Variants in IGF2R observed in about 807,000 individuals in gnomAD.
IGF2R encodes insulin like growth factor 2 receptor, also known as cation-independent mannose-6-phosphate receptor.
IGF2R carries 91 observed loss-of-function variants against 270.6 expected under a neutral mutation model. That is an observed-to-expected ratio of 0.34 (90% CI 0.28 to 0.40). The LOEUF (loss-of-function observed/expected upper bound fraction) is 0.40. Among genes scored for constraint, IGF2R ranks in the 10% least tolerant of loss-of-function variants. The pLI is 1.00. For synonymous variants in IGF2R, 1,316 were observed against 1,258.9 expected, an observed-to-expected ratio of 1.05 and a Z score of -0.96; for missense variants, 2,805 against 3,188.3, an observed-to-expected ratio of 0.88 and a Z score of 2.90.
At chr6:160,076,342 T>G (rs959301978) in intron 36 of IGF2R, among the ~76,000 whole-genome samples, 1 of 152,208 alleles carries the variant, frequency 6.6e-6, no homozygotes, top group African/African-American at 2.4e-5. Flanking sequence ...CAGAAAGACA[T>G]TTGGGCAGCT....
rs1288931328 is a variant in IGF2R at position 160,096,632 on chromosome 6, A to G, written c.6842+7A>G. On this transcript the variant is annotated splice_region_variant and intron_variant, in intron 45 of 47. Coordinates refer to ENST00000356956, the MANE Select transcript of IGF2R (RefSeq NM_000876.4). Reference sequence around the variant, plus strand: ...CAGCCGTGTGTCCTCTGGGGTGAGTATGACATCCGGAAGCTTAGCACTTGT... The same window carrying G: ...CAGCCGTGTGTCCTCTGGGGTGAGTGTGACATCCGGAAGCTTAGCACTTGT... 6.2e-6 allele frequency: 10 copies of G among 1,603,430 alleles called. No homozygotes were observed. Among genetic ancestry groups the G allele is most frequent in the Admixed American group, 1.7e-5 (1 of 58,928 alleles).
rs73025518 is a variant in IGF2R, at chr6:160,100,506, C to T, written c.6843-2013C>T. The stretch of plus-strand genomic sequence containing the variant: ...TATGTAAAGCAGAAATTGACAAAAC[C>T]ACACACAAGAAACAAGCCTAGTGAT... On this transcript the variant is annotated intron_variant, in intron 45 of 47. Transcript: ENST00000356956. 5.3e-3 allele frequency among the ~76,000 whole-genome samples: 811 copies of T among 151,970 alleles called. 3 individuals are homozygous for T. Among genetic ancestry groups the T allele is most frequent in the Non-Finnish European group, 8.1e-3 (550 of 67,956 alleles).
chr6:159,991,200 G>T lies in IGF2R; in HGVS notation c.166G>T (p.Val56Phe). 1 of 1,611,488 alleles carries T rather than the reference G, an allele frequency of 6.2e-7. No homozygotes were observed. Among genetic ancestry groups the T allele is most frequent in the South Asian group, 1.1e-5 (1 of 90,426 alleles). ...CCTTTCCAGTTATACATGGGAAGCT[G>T]TTGATACCAAAAATAATGTACTTTA... is the stretch of plus-strand genomic sequence containing the variant. ...PELCSYTWEAVDTKNNVLYKI... is the reference protein window; with the variant it reads ...PELCSYTWEAFDTKNNVLYKI... The change falls in exon 2 of 48, where the codon GTT becomes TTT. Residue 56 changes from valine (V) to phenylalanine (F), a missense_variant. Physicochemically the swap from Val to Phe is conservative, Grantham distance 50. Around this residue, in one of 2 missense-constraint regions of IGF2R, gnomAD observed 954 missense variants for 981.1 expected, o/e 0.97. Transcript: ENST00000356956.
intron 1 of IGF2R, among the ~76,000 whole-genome samples, chr6:159,979,775 G>A (rs1269342238): frequency 1.3e-5 from 2 of 152,192 alleles, no homozygotes; most frequent in Non-Finnish European, 2.9e-5. Flanking sequence ...GCCATTGGGA[G>A]AATGGAGGGA....
rs960754202 is a variant in IGF2R, at chr6:160,073,319, C to T, written c.4797C>T (p.Pro1599=). The T allele has an allele frequency of 2.5e-6, 4 of 1,614,142 alleles. No individual in the cohort carries two copies. The highest frequency in any genetic ancestry group is 1.7e-5 in the Admixed American group (1 of 60,018). ...QLVYKDGSPC[P]SKSGLSYKSV... ...TGTACAAGGATGGGTCCCCTTGTCCCTCCAAATCCGGCCTGAGCTATAAGA... is the reference window on the plus strand; with the variant it reads ...TGTACAAGGATGGGTCCCCTTGTCCTTCCAAATCCGGCCTGAGCTATAAGA... Residue 1599 remains proline (P), a synonymous_variant, in exon 34 of 48, where the codon CCC becomes CCT. Transcript: ENST00000356956.
intron 16 of IGF2R, 128 bp downstream of exon 16, chr6:160,047,464 G>C: frequency 1.2e-6 from 1 of 800,322 alleles, no homozygotes; most frequent in Non-Finnish European, 1.9e-6. Flanking sequence ...ATTTGCCAGG[G>C]TGCCTGGGCA....
rs371889669 is a variant in IGF2R, at chr6:160,101,542, G to A, written c.6843-977G>A. ...GCGGCAGCCCTTGCGGCTGGGCCGC[G>A]GGTTGGCCTGTTGCCCTCAACCTCA... On this transcript the variant is annotated intron_variant, in intron 45 of 47. Coordinates refer to ENST00000356956, the MANE Select transcript of IGF2R (RefSeq NM_000876.4). 1.6e-3 allele frequency among the ~76,000 whole-genome samples: 247 copies of A among 152,376 alleles called. 1 individual carries two copies. Among genetic ancestry groups the A allele is most frequent in the Middle Eastern group, 0.01 (3 of 294 alleles).
intron 29 of IGF2R, among the ~76,000 whole-genome samples, chr6:160,066,779 C>G (rs191235317): frequency 9.7e-4 from 148 of 152,296 alleles, no homozygotes; most frequent in Non-Finnish European, 1.9e-3. Context: ...TCTGCCTTGG[C>G]TTTGTTAGTT....
rs1779063403 is a variant in IGF2R at position 160,084,789 on chromosome 6, G to A, written c.6069-206G>A. On this transcript the variant is annotated intron_variant, in intron 40 of 47. Transcript: ENST00000356956. This position sits in a 1 kb window ranked among gnomAD's most constrained non-coding sequence, Gnocchi z 4.6. ...TGGACATTCCACTCCGCGTGTGTCTGGTTGGTGAGCTCCCTTCTTCAGTGA... is the reference window on the plus strand; with the variant it reads ...TGGACATTCCACTCCGCGTGTGTCTAGTTGGTGAGCTCCCTTCTTCAGTGA... 6.6e-6 allele frequency among the ~76,000 whole-genome samples: 1 copy of A among 152,090 alleles called. No individual in the cohort carries two copies. Among genetic ancestry groups the A allele is most frequent in the African/African-American group, 2.4e-5 (1 of 41,518 alleles).
At chr6:160,047,442 C>A in intron 16 of IGF2R, 106 bp downstream of exon 16, 1 of 985,776 alleles carries the variant, frequency 1.0e-6, no homozygotes, top group Non-Finnish European at 1.5e-6. Flanking sequence ...GCCAAATCAT[C>A]ACCGTCATTA....
chr6:159,993,763 A>T (rs942590311), intron 2 of IGF2R, among the ~76,000 whole-genome samples: 49 of 152,178 alleles, frequency 3.2e-4, no homozygotes, highest in African/African-American at 8.7e-4. Context: ...TCTGTGAAAA[A>T]TGACATTGGT....
intron 2 of IGF2R, among the ~76,000 whole-genome samples, chr6:160,001,252 A>G (rs1387184837): frequency 1.3e-5 from 2 of 152,050 alleles, no homozygotes; most frequent in Non-Finnish European, 2.9e-5. Context: ...GTAGATGCTT[A>G]TAGGAGCGCG....
At chr6:160,052,333 A>G (rs1360679928) in intron 19 of IGF2R, among the ~76,000 whole-genome samples, 2 of 152,236 alleles carry the variant, frequency 1.3e-5, no homozygotes, top group African/African-American at 4.8e-5. Context: ...CCCATTCACA[A>G]TTGCTACAGA....
intron 4 of IGF2R, among the ~76,000 whole-genome samples, chr6:160,022,960 G>A (rs968470674): frequency 1.2e-4 from 18 of 152,168 alleles, no homozygotes; most frequent in Admixed American, 2.0e-4. Flanking sequence ...GTGTGGCTGC[G>A]TTGAGTGAGG....
intron 5 of IGF2R, among the ~76,000 whole-genome samples, chr6:160,026,915 G>A (rs1452197619): frequency 6.6e-6 from 1 of 152,114 alleles, no homozygotes; most frequent in Admixed American, 6.5e-5. Flanking sequence ...TGTACCTCAA[G>A]CAGAGGATGG....
intron 10 of IGF2R, among the ~76,000 whole-genome samples, chr6:160,035,669 A>G (rs1409634694): frequency 6.6e-6 from 1 of 152,190 alleles, no homozygotes; most frequent in Non-Finnish European, 1.5e-5. Context: ...ACATTTTTTA[A>G]GTACCTATTT....
Position 159,997,700 on chromosome 6 carries a change from C to T in IGF2R, c.289+6377C>T, listed in dbSNP as rs370586374. On this transcript the variant is annotated intron_variant, in intron 2 of 47. Transcript: ENST00000356956. ...TCGTTTCATCCCAGGGGTTCTCCAC[C>T]AGGCTCCAGTGCTCTCCACTTGATA... 7.8e-4 allele frequency among the ~76,000 whole-genome samples: 119 copies of T among 152,276 alleles called. 2 individuals carry two copies. The South Asian group carries it at 0.023, about 30-fold the overall frequency.
chr6:160,067,025 A>G (rs1778599696), intron 29 of IGF2R, among the ~76,000 whole-genome samples: 1 of 152,188 alleles, frequency 6.6e-6, no homozygotes, highest in Admixed American at 6.5e-5. Flanking sequence ...CTTGAGATAT[A>G]AGTCCCACCA....
In IGF2R at chr6:160,047,901, T is replaced by TG; in HGVS notation, c.2339_2340insG (p.Ser781LeufsTer7). The TG allele has an allele frequency of 6.2e-7, 1 of 1,602,522 alleles. No individual in the cohort carries two copies. The highest frequency in any genetic ancestry group is 8.6e-7 in the Non-Finnish European group (1 of 1,169,446). ...CCCTCCACGCTGGAGCAGTACGACC[T>TG]CTCCAGGTGAGGCAGAGTCAGCTGC... is the stretch of plus-strand genomic sequence containing the variant. On this transcript the variant is annotated frameshift_variant, in exon 17 of 48. Transcript: ENST00000356956. LOFTEE classifies it high-confidence loss of function.
Sources: gnomAD v4.1 joint callset for allele counts (sites outside exome capture counted in the v4.1 genomes callset) on GRCh38, gnomAD v4.1.1 for gene constraint, gnomAD v4.1.1 regional missense constraint, Gnocchi (gnomAD v3.1) non-coding constraint, MANE v1.5 for transcripts, NCBI Gene and HGNC (gene_info 2026-07-23, HGNC 2026-07-21) for gene names.